Variants in FILIP1 observed in about 807,000 individuals in gnomAD.
FILIP1 encodes the protein filamin-A-interacting protein 1.
A neutral mutation model predicts 102.1 loss-of-function variants in FILIP1; 61 were observed. The ratio of observed to expected loss-of-function variants is 0.60; its 90% CI spans 0.49 to 0.74. The LOEUF is 0.74. FILIP1 is among the 30% of genes least tolerant of loss of function. The pLI, the probability that FILIP1 is intolerant of heterozygous loss-of-function variation, is 0.00. For missense variants in FILIP1, 1,314 were observed against 1,441.2 expected (o/e 0.91, Z 1.43); for synonymous variants, 491 against 526.9 (o/e 0.93, Z 0.93).
chr6:75,354,570 CAAA>C (rs57366739), intron 3 of FILIP1, among the ~76,000 whole-genome samples: 13 of 97,548 alleles, frequency 1.3e-4, no homozygotes, highest in Non-Finnish European at 1.5e-4. Context: ...GACTCCATCT[CAAA>C]AAAAAAAAAA....
chr6:75,386,149 T>C (rs757321022), intron 2 of FILIP1: 1 of 152,204 alleles, frequency 6.6e-6, no homozygotes, highest in African/African-American at 2.4e-5. Flanking sequence ...GACAATGATA[T>C]GCATTGACCT....
chr6:75,415,793 C>G (rs946379185), intron 1 of FILIP1, among the ~76,000 whole-genome samples: 1 of 152,086 alleles, frequency 6.6e-6, no homozygotes, highest in Non-Finnish European at 1.5e-5. Flanking sequence ...AAAGACAAAG[C>G]AGCAGCTAAG....
chr6:75,372,742 GAAA>G (rs1562515749), intron 2 of FILIP1, among the ~76,000 whole-genome samples: 1,049 of 48,350 alleles, frequency 0.022, 80 homozygotes, highest in Middle Eastern at 0.05. Context: ...AAGAAAGAAA[GAAA>G]GAAAGAAAGA....
intron 2 of FILIP1, among the ~76,000 whole-genome samples, chr6:75,397,032 G>A (rs1372517657): frequency 8.4e-6 from 1 of 119,628 alleles, no homozygotes; most frequent in Non-Finnish European, 1.7e-5. Context: ...GGGGGAGGGG[G>A]GAGGGATAGC....
chr6:75,450,936 C>T (rs760431523), intron 1 of FILIP1, among the ~76,000 whole-genome samples: 33 of 152,038 alleles, frequency 2.2e-4, no homozygotes, highest in South Asian at 4.1e-4. Context: ...GCCTGAGCAA[C>T]AAGAGCGAAA....
intron 1 of FILIP1, among the ~76,000 whole-genome samples, chr6:75,441,997 C>T (rs958603397): frequency 3.3e-5 from 5 of 150,678 alleles, no homozygotes; most frequent in African/African-American, 1.2e-4. Flanking sequence ...ACTTCCCAGA[C>T]GGGGTGGCTG....
intron 2 of FILIP1, among the ~76,000 whole-genome samples, chr6:75,395,360 A>G (rs184086685): frequency 6.6e-6 from 1 of 152,150 alleles, no homozygotes; most frequent in Admixed American, 6.5e-5. Flanking sequence ...GCTCACTGCA[A>G]CCTCCACTTT....
intron 1 of FILIP1, among the ~76,000 whole-genome samples, chr6:75,436,543 T>G (rs1317043632): frequency 6.6e-6 from 1 of 152,174 alleles, no homozygotes; most frequent in Non-Finnish European, 1.5e-5. Context: ...TGCATTTACT[T>G]AGAAAGCATA....
Position 75,418,071 on chromosome 6 carries a change from G to A in FILIP1, c.-6-3093C>T, listed in dbSNP as rs150820693. 8.8e-3 allele frequency among the ~76,000 whole-genome samples: 1,333 copies of A among 152,226 alleles called. 12 individuals carry two copies. Among genetic ancestry groups the A allele is most frequent in the African/African-American group, 0.03 (1,234 of 41,536 alleles). On this transcript the variant is annotated intron_variant, in intron 1 of 5. Coordinates refer to ENST00000237172, the MANE Select transcript of FILIP1 (RefSeq NM_015687.5). The stretch of plus-strand genomic sequence containing the variant: ...AAATTAGCTGGGCATGGTGGCGTGC[G>A]CCTGTAATCTCAGCTACTAGGAAGA...
intron 1 of FILIP1, among the ~76,000 whole-genome samples, chr6:75,441,781 A>T (rs1298510757): frequency 1.3e-5 from 1 of 77,120 alleles, no homozygotes; most frequent in East Asian, 4.4e-4. Context: ...CAGTAGGGGC[A>T]GCCGGGCAGA....
At chr6:75,445,657 C>G (rs1778422443) in intron 1 of FILIP1, among the ~76,000 whole-genome samples, 1 of 151,844 alleles carries the variant, frequency 6.6e-6, no homozygotes, top group Admixed American at 6.6e-5. Context: ...TACATCCTAG[C>G]ACATCATAGC....
At chr6:75,414,456 GA>G (rs1377425014) in intron 2 of FILIP1, among the ~76,000 whole-genome samples, 1 of 152,078 alleles carries the variant, frequency 6.6e-6, no homozygotes, top group Non-Finnish European at 1.5e-5. Flanking sequence ...ATCATATAAT[GA>G]AGAAATTTTC....
chr6:75,466,924 C>T (rs1224609975), intron 1 of FILIP1, among the ~76,000 whole-genome samples: 1 of 152,152 alleles, frequency 6.6e-6, no homozygotes, highest in African/African-American at 2.4e-5. Context: ...GCCTCTCTAC[C>T]TGGGGCTTTC....
At position 75,314,975 on chromosome 6, in the gene FILIP1, G is replaced by A. The variant is rs779146327; in HGVS notation, c.857C>T (p.Thr286Ile). Residue 286 changes from threonine to isoleucine, a missense_variant, in exon 5 of 6, where the codon ACT becomes ATT. Thr to Ile is a moderately conservative substitution (Grantham distance 89, BLOSUM62 -1). Around this residue, in one of 3 missense-constraint regions of FILIP1, gnomAD observed 494 missense variants for 511.2 expected, o/e 0.97. Coordinates refer to ENST00000237172, the MANE Select transcript of FILIP1 (RefSeq NM_015687.5). The part of the protein sequence containing the change: ...REEEEKLKAI[T>I]SKSKEDRQKL... The stretch of plus-strand genomic sequence containing the variant: ...CTGTCTGTCTTCTTTGGATTTGGAA[G>A]TAATGGCTTTGAGCTTCTCTTCTTC... The A allele has an allele frequency of 1.2e-5, 19 of 1,613,998 alleles. No individual in the cohort carries two copies. Among genetic ancestry groups the A allele is most frequent in the Non-Finnish European group, 1.4e-5 (16 of 1,180,014 alleles).
At chr6:75,458,586 T>C (rs182870084) in intron 1 of FILIP1, 1 of 152,208 alleles carries the variant, frequency 6.6e-6, no homozygotes, top group Admixed American at 6.5e-5. Context: ...ACTTCTCCAA[T>C]AGAAAACATC....
At chr6:75,386,817 T>G (rs1163069534) in intron 2 of FILIP1, among the ~76,000 whole-genome samples, 4 of 152,188 alleles carry the variant, frequency 2.6e-5, no homozygotes, top group Admixed American at 2.6e-4. Flanking sequence ...CCCTCCAAAC[T>G]CAAATCTGTA....
chr6:75,329,664 G>A (rs1773999770), intron 4 of FILIP1, among the ~76,000 whole-genome samples: 1 of 152,138 alleles, frequency 6.6e-6, no homozygotes, highest in African/African-American at 2.4e-5. Flanking sequence ...GTCACAATGT[G>A]TTTTTTCCCA....
intron 2 of FILIP1, among the ~76,000 whole-genome samples, chr6:75,414,468 T>G (rs1487592009): frequency 1.3e-5 from 2 of 152,296 alleles, no homozygotes; most frequent in East Asian, 3.9e-4. Context: ...AGAAATTTTC[T>G]GCTTCTAGAG....
chr6:75,365,026 A>C (rs747487090), intron 2 of FILIP1, among the ~76,000 whole-genome samples: 1 of 152,162 alleles, frequency 6.6e-6, no homozygotes, highest in African/African-American at 2.4e-5. Flanking sequence ...TTAAAGTGAA[A>C]AAATGGCGAT....
Sources: gnomAD v4.1 joint callset for allele counts (sites outside exome capture counted in the v4.1 genomes callset) on GRCh38, gnomAD v4.1.1 for gene constraint, gnomAD v4.1.1 regional missense constraint, MANE v1.5 for transcripts, NCBI Gene and HGNC (gene_info 2026-07-23, HGNC 2026-07-21) for gene names.